Variants in ZNF236 observed in about 807,000 individuals in gnomAD.
ZNF236 encodes the protein regulated by glucose.
A neutral mutation model predicts 191.2 loss-of-function variants in ZNF236; 50 were observed. The ratio of observed to expected loss-of-function variants is 0.26; its 90% CI spans 0.21 to 0.33. ZNF236 has a LOEUF of 0.33. Among genes scored for constraint, ZNF236 ranks in the 10% least tolerant of loss-of-function variants. The probability of loss-of-function intolerance (pLI) is 1.00; values close to 1 mark genes in which losing one functional copy is unlikely to be tolerated. For missense variants in ZNF236, 1,754 were observed against 2,374.5 expected (o/e 0.74, Z 5.43); for synonymous variants, 907 against 928.8 (o/e 0.98, Z 0.43).
intron 9 of ZNF236, among the ~76,000 whole-genome samples, chr18:76,882,806 C>T (rs1976935493): frequency 6.6e-6 from 1 of 152,184 alleles, no homozygotes; most frequent in African/African-American, 2.4e-5. Flanking sequence ...TCTGGCAGGG[C>T]AGGAAAGGAA....
Position 76,959,745 on chromosome 18 carries a change from T to TGGC in ZNF236, c.5171_5172insGGC (p.Phe1724delinsLeuAla). 1 of 1,614,066 alleles carries TGGC rather than the reference T, an allele frequency of 6.2e-7. No individual in the cohort carries two copies. Among genetic ancestry groups the TGGC allele is most frequent in the Non-Finnish European group, 8.5e-7 (1 of 1,179,984 alleles). On this transcript the variant is annotated protein_altering_variant, in exon 29 of 31. Coordinates refer to ENST00000320610, the MANE Select transcript of ZNF236 (RefSeq NM_001306089.2). ...TTGAGCTCCCAGAAGCCAAGAGTGT[T>TGGC]TAAATGTGACACTTGTGAGAAGGCA...
intron 27 of ZNF236, among the ~76,000 whole-genome samples, chr18:76,952,041 G>A (rs1968422314): frequency 6.6e-6 from 1 of 152,108 alleles, no homozygotes; most frequent in Admixed American, 6.6e-5. Context: ...ATCAAAGATC[G>A]CTAATCACAG....
chr18:76,853,076 T>A lies in ZNF236; in HGVS notation c.363+1137T>A, dbSNP rs372740835. Among the ~76,000 whole-genome samples the A allele has an allele frequency of 2.6e-4, 39 of 151,572 alleles. No homozygotes were observed. The East Asian group carries it at 4.8e-3, about 19-fold the overall frequency. ...TTGTGAAAGCTGACTTCACACTTTC[T>A]GTTTTTTGTTTTTTTTTTTGAGATG... On this transcript the variant is annotated intron_variant, in intron 3 of 30. Coordinates refer to ENST00000320610, the MANE Select transcript of ZNF236 (RefSeq NM_001306089.2).
rs1974878278 is a variant in ZNF236 at position 76,822,582 on chromosome 18, T to C, written c.-26T>C. The C allele has an allele frequency of 1.3e-5, 2 of 148,790 alleles. No homozygotes were observed. The highest frequency in any genetic ancestry group is 1.8e-4 in the South Asian group (1 of 5,530). 9.2% of individuals were successfully genotyped at this position (148,790 alleles called of 1,614,324 possible). A position where few individuals can be genotyped will look rare whatever the true frequency, so the allele number is the denominator to read the frequency against. ...GAGTGTGAGTGTGAGTGTGAGTGGGTGTGGGTGCGAGCCGGGCCGCCGACG... is the reference window on the plus strand; with the variant it reads ...GAGTGTGAGTGTGAGTGTGAGTGGGCGTGGGTGCGAGCCGGGCCGCCGACG... On this transcript the variant is annotated 5_prime_UTR_variant, in exon 1 of 31. Coordinates refer to ENST00000320610, the MANE Select transcript of ZNF236 (RefSeq NM_001306089.2).
At position 76,925,453 on chromosome 18, in the gene ZNF236, A is replaced by G; in HGVS notation, c.3926A>G (p.Asn1309Ser). The G allele has an allele frequency of 6.2e-7, 1 of 1,614,100 alleles. No individual in the cohort carries two copies. Among genetic ancestry groups the G allele is most frequent in the Non-Finnish European group, 8.5e-7 (1 of 1,180,008 alleles). ...CTCAACTCCTCCTCTACTGACCCAA[A>G]CGTGTTTATCATGAACAACTCTGTT... Reference protein sequence around the residue: ...NLLNSSSTDPNVFIMNNSVLT... With the variant: ...NLLNSSSTDPSVFIMNNSVLT... Residue 1309 changes from asparagine (N) to serine (S), a missense_variant, in exon 22 of 31, where the codon AAC (asparagine) becomes AGC (serine). Physicochemically the swap from Asn to Ser is conservative, Grantham distance 46 (BLOSUM62 1). This residue lies in a region of ZNF236 where 606 missense variants were observed against 761.5 expected (regional missense o/e 0.80). Coordinates refer to ENST00000320610, the MANE Select transcript of ZNF236 (RefSeq NM_001306089.2). The surrounding 1 kb of genome is among the most constrained non-coding windows in gnomAD (Gnocchi z 5.7).
rs368744767 is a variant in ZNF236 at position 76,952,228 on chromosome 18, CA to C, written c.4915-3750del. On this transcript the variant is annotated intron_variant, in intron 27 of 30. Transcript: ENST00000320610. ...AAAACGACAGGATATCTATGGAGGACAAAAAAAGCAAAGTTCAATGAAAACA... is the reference window on the plus strand; with the variant it reads ...AAAACGACAGGATATCTATGGAGGACAAAAAAGCAAAGTTCAATGAAAACA... 3.5e-3 allele frequency among the ~76,000 whole-genome samples: 527 copies of C among 152,038 alleles called. 1 individual carries two copies. Among genetic ancestry groups the C allele is most frequent in the African/African-American group, 0.011 (455 of 41,500 alleles).
chr18:76,822,821 G>T (rs989884640), intron 1 of ZNF236, among the ~76,000 whole-genome samples, 159 bp downstream of exon 1: 88 of 146,296 alleles, frequency 6.0e-4, no homozygotes, highest in Non-Finnish European at 8.2e-4. Context: ...GGCCGGGCGG[G>T]CCGCAGCGCG....
intron 4 of ZNF236, among the ~76,000 whole-genome samples, chr18:76,870,121 A>AAG (rs1170312311): frequency 6.6e-6 from 1 of 152,224 alleles, no homozygotes; most frequent in African/African-American, 2.4e-5. Context: ...AAAATGCCTG[A>AAG]AGACTCTAAT....
At chr18:76,894,172 T>C (rs527460366) in intron 9 of ZNF236, among the ~76,000 whole-genome samples, 25 of 152,332 alleles carry the variant, frequency 1.6e-4, no homozygotes, top group African/African-American at 6.0e-4. Flanking sequence ...GTTACCTGCA[T>C]TCAACCAAAT....
intron 26 of ZNF236, among the ~76,000 whole-genome samples, chr18:76,941,580 GC>G (rs1035169625): frequency 6.6e-5 from 10 of 152,136 alleles, no homozygotes; most frequent in African/African-American, 2.4e-4. Context: ...CTTCCCTGCT[GC>G]CCCCCTCAGC....
rs957791103 is a variant in ZNF236, at chr18:76,925,865, T to G, written c.4027+311T>G. 6.6e-6 allele frequency among the ~76,000 whole-genome samples: 1 copy of G among 152,230 alleles called. No individual in the cohort carries two copies. ...CTCATAAATTTAGTAGTGAGAAGTGTAATTTATAAATACTCAATAGCATTG... is the reference window on the plus strand; with the variant it reads ...CTCATAAATTTAGTAGTGAGAAGTGGAATTTATAAATACTCAATAGCATTG... On this transcript the variant is annotated intron_variant, in intron 22 of 30. Transcript: ENST00000320610. This position sits in a 1 kb window ranked among gnomAD's most constrained non-coding sequence, Gnocchi z 5.7.
chr18:76,890,871 G>T (rs75675515), intron 9 of ZNF236, among the ~76,000 whole-genome samples: 3,703 of 152,068 alleles, frequency 0.024, 128 homozygotes, highest in African/African-American at 0.082. Context: ...TCCTGCCTCT[G>T]CCACCCCAAG....
intron 3 of ZNF236, among the ~76,000 whole-genome samples, chr18:76,860,476 C>T (rs776544467): frequency 2.6e-5 from 4 of 152,208 alleles, no homozygotes; most frequent in Non-Finnish European, 4.4e-5. Context: ...ATTTTGAAAA[C>T]CTTCCCTTCG....
chr18:76,920,551 C>CA (rs36013690), intron 20 of ZNF236, among the ~76,000 whole-genome samples: 138,788 of 142,300 alleles, frequency 0.98, 67,698 homozygotes, highest in South Asian at 0.99. Flanking sequence ...AACTCCGTCT[C>CA]AAAAAAAAAA....
At chr18:76,908,953 A>C (rs1788708) in intron 14 of ZNF236, among the ~76,000 whole-genome samples, 2 of 117,220 alleles carry the variant, frequency 1.7e-5, no homozygotes, top group East Asian at 5.3e-4. Context: ...GTGTGTGTGT[A>C]TGTGTGTGTC....
At chr18:76,935,808 C>T (rs1480782602) in intron 25 of ZNF236, among the ~76,000 whole-genome samples, 2 of 152,216 alleles carry the variant, frequency 1.3e-5, no homozygotes, top group African/African-American at 2.4e-5. Context: ...GTCACTGGAA[C>T]GCTTAGTGCA....
At chr18:76,948,707 A>G (rs1394158170) in intron 27 of ZNF236, among the ~76,000 whole-genome samples, 1 of 152,160 alleles carries the variant, frequency 6.6e-6, no homozygotes, top group Non-Finnish European at 1.5e-5. Flanking sequence ...AGTGTCGCCC[A>G]CTTGGGAAGC....
chr18:76,898,191 C>T (rs992405775), intron 10 of ZNF236: 5 of 152,092 alleles, frequency 3.3e-5, no homozygotes, highest in African/African-American at 4.8e-5. Flanking sequence ...TCTTTCATTA[C>T]GGAGCTCCAT....
At chr18:76,932,053 C>G (rs948841366) in intron 25 of ZNF236, among the ~76,000 whole-genome samples, 1 of 152,232 alleles carries the variant, frequency 6.6e-6, no homozygotes, top group Non-Finnish European at 1.5e-5. Flanking sequence ...GACTGTGACT[C>G]TGGGCAGGTC....
Sources: allele counts gnomAD v4.1 joint callset (sites outside exome capture counted in the v4.1 genomes callset), GRCh38; gene constraint gnomAD v4.1.1; regional missense constraint gnomAD v4.1.1; non-coding constraint Gnocchi (gnomAD v3.1); transcripts MANE v1.5; gene names NCBI Gene and HGNC (gene_info 2026-07-23, HGNC 2026-07-21).